The following AHCYL2 variants were observed in gnomAD, a reference collection of about 807,000 sequenced individuals.
The protein encoded by AHCYL2 is S-adenosylhomocysteine hydrolase-like protein 2.
AHCYL2 carries 28 observed loss-of-function variants against 81.4 expected under a neutral mutation model. The observed-to-expected ratio is 0.34, with a 90% CI of 0.25 to 0.47. AHCYL2 has a LOEUF of 0.47. Ranked by LOEUF, AHCYL2 falls within the 20% of genes least tolerant of loss-of-function variation. The probability of loss-of-function intolerance (pLI) is 1.00; values close to 1 mark genes in which losing one functional copy is unlikely to be tolerated. For synonymous variants in AHCYL2, 272 were observed against 290.2 expected, an observed-to-expected ratio of 0.94 and a Z score of 0.64; for missense variants, 551 against 785.1, an observed-to-expected ratio of 0.70 and a Z score of 3.56.
intron 1 of AHCYL2, among the ~76,000 whole-genome samples, chr7:129,256,541 C>T (rs1795429056): frequency 1.3e-4 from 2 of 15,532 alleles, no homozygotes. Flanking sequence ...TCCCGCCCCC[C>T]ACCCCCCACC....
chr7:129,255,937 T>G (rs913128146), intron 1 of AHCYL2, among the ~76,000 whole-genome samples: 6 of 151,936 alleles, frequency 3.9e-5, no homozygotes, highest in Non-Finnish European at 7.4e-5. Context: ...ACACTCCAGC[T>G]TGGGTGACAG....
chr7:129,239,899 C>G (rs1030550671), intron 1 of AHCYL2, among the ~76,000 whole-genome samples: 2 of 151,984 alleles, frequency 1.3e-5, no homozygotes. Context: ...CAGTCCCTTC[C>G]CACACACAGA....
At chr7:129,275,757 A>G (rs1796179424) in intron 1 of AHCYL2, among the ~76,000 whole-genome samples, 1 of 152,202 alleles carries the variant, frequency 6.6e-6, no homozygotes, top group Non-Finnish European at 1.5e-5. Context: ...AAATATATAG[A>G]TACAAATATG....
chr7:129,401,243 T>G (rs1796016325), intron 6 of AHCYL2, among the ~76,000 whole-genome samples: 1 of 151,660 alleles, frequency 6.6e-6, no homozygotes, highest in Non-Finnish European at 1.5e-5. Flanking sequence ...AGTGGGAGGA[T>G]CACTTGAGCC....
intron 1 of AHCYL2, among the ~76,000 whole-genome samples, chr7:129,293,138 A>G (rs1291083072): frequency 3.5e-5 from 2 of 57,360 alleles, no homozygotes; most frequent in Non-Finnish European, 8.0e-5. Flanking sequence ...CAGTGAAGAC[A>G]GAGTTTTTGG....
intron 1 of AHCYL2, among the ~76,000 whole-genome samples, chr7:129,340,300 G>C (rs1793127473): frequency 6.8e-6 from 1 of 147,140 alleles, no homozygotes; most frequent in African/African-American, 2.5e-5. Flanking sequence ...GGGCGCGGTG[G>C]CTCACGCCTG....
chr7:129,380,332 G>A (rs1234314644), intron 2 of AHCYL2, among the ~76,000 whole-genome samples: 1 of 152,126 alleles, frequency 6.6e-6, no homozygotes, highest in African/African-American at 2.4e-5. Context: ...CTGTTACTGT[G>A]TAGGACCCCT....
At chr7:129,295,434 C>T (rs913712476) in intron 1 of AHCYL2, among the ~76,000 whole-genome samples, 5 of 152,154 alleles carry the variant, frequency 3.3e-5, no homozygotes, top group African/African-American at 1.2e-4. Context: ...TAGTCTTCAA[C>T]AAGTTCATAG....
intron 1 of AHCYL2, among the ~76,000 whole-genome samples, chr7:129,225,951 C>T (rs1365783092): frequency 1.3e-5 from 2 of 152,186 alleles, no homozygotes; most frequent in African/African-American, 4.8e-5. Context: ...TGTGGCCAAC[C>T]GTGGCCATAC....
At chr7:129,290,154 C>T (rs1468970910) in intron 1 of AHCYL2, among the ~76,000 whole-genome samples, 1 of 152,066 alleles carries the variant, frequency 6.6e-6, no homozygotes, top group East Asian at 1.9e-4. Context: ...GTGCCTAGTG[C>T]GTGGCTTTCA....
intron 1 of AHCYL2, among the ~76,000 whole-genome samples, chr7:129,334,899 C>T (rs904882400): frequency 2.0e-5 from 3 of 152,150 alleles, no homozygotes; most frequent in African/African-American, 7.2e-5. Flanking sequence ...AGAGAAGAAA[C>T]ACTACATTGA....
At chr7:129,302,864 CAT>C (rs1797300729) in intron 1 of AHCYL2, among the ~76,000 whole-genome samples, 1 of 152,112 alleles carries the variant, frequency 6.6e-6, no homozygotes, top group African/African-American at 2.4e-5. Flanking sequence ...ATACTGGTCT[CAT>C]AGAATGAGTT....
chr7:129,225,497 C>T lies in AHCYL2; in HGVS notation c.363+58C>T. On this transcript the variant is annotated intron_variant, in intron 1 of 16. Transcript: ENST00000325006. Reference sequence around the variant, plus strand: ...AAGGGAGGGGAGGGGAACTGCAGATCCTCTCGGCACGGCGGCACCACCCTC... The same window carrying T: ...AAGGGAGGGGAGGGGAACTGCAGATTCTCTCGGCACGGCGGCACCACCCTC... The T allele has an allele frequency of 2.8e-6, 4 of 1,430,726 alleles. No homozygotes were observed. In the South Asian group the frequency reaches 5.6e-5, roughly 20 times the overall value. 88.6% of individuals were successfully genotyped at this position (1,430,726 alleles called of 1,614,324 possible).
At chr7:129,296,183 T>C (rs1267595642) in intron 1 of AHCYL2, among the ~76,000 whole-genome samples, 15 of 152,156 alleles carry the variant, frequency 9.9e-5, no homozygotes, top group Admixed American at 9.8e-4. Flanking sequence ...TTAAAATTCT[T>C]ATCACTATAT....
chr7:129,397,794 A>C (rs913357581), intron 5 of AHCYL2, among the ~76,000 whole-genome samples: 2 of 152,244 alleles, frequency 1.3e-5, no homozygotes, highest in Non-Finnish European at 2.9e-5. Flanking sequence ...TACTTGATGG[A>C]CAAAAGAAAT....
chr7:129,343,916 G>T (rs1309906199), intron 1 of AHCYL2, among the ~76,000 whole-genome samples: 1 of 152,100 alleles, frequency 6.6e-6, no homozygotes, highest in Non-Finnish European at 1.5e-5. Flanking sequence ...CTGGTATTTA[G>T]AATTCATATA....
chr7:129,305,886 T>C (rs1479041423), intron 1 of AHCYL2, among the ~76,000 whole-genome samples: 1 of 152,202 alleles, frequency 6.6e-6, no homozygotes, highest in African/African-American at 2.4e-5. Flanking sequence ...GATAAAAGAT[T>C]TTTCCTTCAA....
At chr7:129,382,193 G>T (rs567887167) in intron 2 of AHCYL2, among the ~76,000 whole-genome samples, 3 of 152,128 alleles carry the variant, frequency 2.0e-5, no homozygotes, top group African/African-American at 7.2e-5. Context: ...CATGTGCATC[G>T]AATGAAAAGC....
chr7:129,325,148 A>G (rs973684856), intron 1 of AHCYL2, among the ~76,000 whole-genome samples: 2 of 108,702 alleles, frequency 1.8e-5, no homozygotes, highest in Non-Finnish European at 4.1e-5. Context: ...CTGTCTTTCC[A>G]TGTGGTATAA....
Sources: allele counts gnomAD v4.1 joint callset (sites outside exome capture counted in the v4.1 genomes callset), GRCh38; gene constraint gnomAD v4.1.1; transcripts MANE v1.5; gene names NCBI Gene and HGNC (gene_info 2026-07-23, HGNC 2026-07-21).